The following CCDC149 variants were observed in gnomAD, a reference collection of about 807,000 sequenced individuals.
The protein encoded by CCDC149 is coiled-coil domain-containing protein 149.
A neutral mutation model predicts 59.9 loss-of-function variants in CCDC149; 45 were observed. That is an observed-to-expected ratio of 0.75 (90% confidence interval 0.59 to 0.96). The LOEUF is 0.96. CCDC149 is among the 40% of genes least tolerant of loss of function. The pLI is 0.00. For missense variants in CCDC149, 584 were observed against 664.7 expected (o/e 0.88, Z 1.33); for synonymous variants, 245 against 260.6 (o/e 0.94, Z 0.58).
chr4:24,855,368 C>A (rs1454491834), intron 3 of CCDC149, among the ~76,000 whole-genome samples: 2 of 152,102 alleles, frequency 1.3e-5, no homozygotes, highest in Admixed American at 1.3e-4. Context: ...AGTTCAAGAC[C>A]AGCCTAGCCA....
intron 11 of CCDC149, 78 bp from the exon 12 acceptor site, chr4:24,820,053 G>T: frequency 2.9e-6 from 3 of 1,033,850 alleles, no homozygotes; most frequent in South Asian, 1.6e-5. Flanking sequence ...ACACTTAATC[G>T]GCACAGGGCT....
chr4:24,852,876 C>T (rs948808397), intron 4 of CCDC149, among the ~76,000 whole-genome samples, 196 bp downstream of exon 4: 1 of 152,074 alleles, frequency 6.6e-6, no homozygotes, highest in African/African-American at 2.4e-5. Context: ...GAGAAACACA[C>T]ATATACATGC....
chr4:24,891,678 G>A (rs959376492), intron 1 of CCDC149, among the ~76,000 whole-genome samples: 5 of 152,198 alleles, frequency 3.3e-5, no homozygotes, highest in African/African-American at 7.2e-5. Context: ...ATTCAGGTAA[G>A]CTCGAGGTTT....
chr4:24,915,586 C>T (rs186722789), upstream of CCDC149, among the ~76,000 whole-genome samples: 991 of 152,332 alleles, frequency 6.5e-3, 51 homozygotes, highest in Admixed American at 0.06. Flanking sequence ...CGAAATAAGT[C>T]AGACAGTTAT....
chr4:24,858,306 G>A (rs983255710), intron 3 of CCDC149, among the ~76,000 whole-genome samples: 3 of 152,192 alleles, frequency 2.0e-5, no homozygotes, highest in African/African-American at 7.2e-5. Context: ...GGGTTTCACA[G>A]GGAAGGAAAA....
Position 24,876,641 on chromosome 4 carries a change from G to A in CCDC149, c.120C>T (p.Ser40=), listed in dbSNP as rs755646392. Residue 40 remains serine (S), a synonymous_variant, in exon 2 of 13, where the codon TCC becomes TCT. Coordinates refer to ENST00000635206, the MANE Select transcript of CCDC149 (RefSeq NM_001330643.2). ...CCTGTTGACAGGTGTCCAGCTCCTT[G>A]GAGAGGATCAGCAGGGCTTCCTTCT... 1.1e-5 allele frequency: 18 copies of A among 1,613,994 alleles called. No individual in the cohort carries two copies. Among genetic ancestry groups the A allele is most frequent in the Admixed American group, 3.3e-5 (2 of 59,996 alleles).
chr4:24,839,791 G>A (rs944116401), intron 4 of CCDC149, among the ~76,000 whole-genome samples: 1 of 152,198 alleles, frequency 6.6e-6, no homozygotes, highest in Non-Finnish European at 1.5e-5. Flanking sequence ...AGTTATGGCA[G>A]CACTTTCCAG....
chr4:24,916,787 G>GGTGTGTGT (rs55857592), upstream of CCDC149, among the ~76,000 whole-genome samples: 43,000 of 141,642 alleles, frequency 0.3, 7,225 homozygotes, highest in Non-Finnish European at 0.38. Context: ...GGTTTATAAT[G>GGTGTGTGT]GTGTGTGTGT....
chr4:24,835,162 A>G, intron 7 of CCDC149, 130 bp from the exon 8 acceptor site: 1 of 591,484 alleles, frequency 1.7e-6, no homozygotes, highest in Non-Finnish European at 3.0e-6. Flanking sequence ...TAATATTTAG[A>G]ATTCCAAGTC....
At chr4:24,970,508 A>G (rs1723933212) in intron 1 of CCDC149, among the ~76,000 whole-genome samples, 1 of 152,174 alleles carries the variant, frequency 6.6e-6, no homozygotes, top group African/African-American at 2.4e-5. Flanking sequence ...CCCAGGCATC[A>G]TGGTGCACTG....
At chr4:24,840,342 C>T (rs1187384615) in intron 4 of CCDC149, among the ~76,000 whole-genome samples, 2 of 152,154 alleles carry the variant, frequency 1.3e-5, no homozygotes, top group Non-Finnish European at 2.9e-5. Flanking sequence ...GCTGCACTTG[C>T]TGGAATCTGG....
intron 1 of CCDC149, among the ~76,000 whole-genome samples, chr4:24,889,373 G>A (rs1258892560): frequency 6.6e-6 from 1 of 152,148 alleles, no homozygotes; most frequent in Non-Finnish European, 1.5e-5. Context: ...TAAAAATCAT[G>A]GCTTACCTAG....
intron 1 of CCDC149, among the ~76,000 whole-genome samples, chr4:24,904,968 C>G (rs7665673): frequency 0.11 from 16,837 of 152,158 alleles, 1,026 homozygotes; most frequent in African/African-American, 0.15. Context: ...CTGGTGCCAT[C>G]TCAGCTCACT....
chr4:24,899,754 A>G (rs1721053173), intron 1 of CCDC149, among the ~76,000 whole-genome samples: 1 of 152,062 alleles, frequency 6.6e-6, no homozygotes, highest in African/African-American at 2.4e-5. Context: ...TACTCAAAGG[A>G]GACTATTGTG....
intron 8 of CCDC149, among the ~76,000 whole-genome samples, chr4:24,833,044 C>T (rs565574061): frequency 1.4e-4 from 21 of 152,076 alleles, no homozygotes; most frequent in African/African-American, 4.3e-4. Context: ...GGTGCTCCTG[C>T]GTATGTGTCC....
In CCDC149 at chr4:24,968,618, G is replaced by A. The variant is rs187368816; in HGVS notation, c.-65+11451C>T. Among the ~76,000 whole-genome samples the A allele has an allele frequency of 3.9e-5, 6 of 152,330 alleles. No individual in the cohort carries two copies. In the South Asian group the frequency reaches 1.0e-3, roughly 26 times the overall value. On this transcript the variant is annotated intron_variant, in intron 1 of 12. Coordinates refer to the CCDC149 transcript ENST00000389609. ...GTCCCCTCATTCCCAGTGGGTCATG[G>A]TACAAAGATGGGTCTAGCCAAGGTG...
chr4:24,827,447 T>A (rs537965602), intron 9 of CCDC149: 4 of 152,244 alleles, frequency 2.6e-5, no homozygotes, highest in African/African-American at 9.6e-5. Context: ...GCAGGAAGGA[T>A]AGCAAAAGGC....
chr4:24,812,417 C>G (rs879709780), intron 12 of CCDC149, among the ~76,000 whole-genome samples: 1 of 152,192 alleles, frequency 6.6e-6, no homozygotes, highest in African/African-American at 2.4e-5. Context: ...AGATCTATAT[C>G]GATGGCTCTG....
rs143282363 is a variant in CCDC149, at chr4:24,918,309, A to C, written c.-64-23191T>G. Among the ~76,000 whole-genome samples the C allele has an allele frequency of 1.2e-3, 181 of 152,312 alleles. 1 individual carries two copies. The East Asian group carries it at 0.023, about 19-fold the overall frequency. Reference sequence around the variant, plus strand: ...AAAAACAAAGAAAACAATTTGATCGAGAAGGTGAAAAGGTGGCATTTCATA... The same window carrying C: ...AAAAACAAAGAAAACAATTTGATCGCGAAGGTGAAAAGGTGGCATTTCATA... On this transcript the variant is annotated intron_variant, in intron 1 of 12. Coordinates refer to the CCDC149 transcript ENST00000389609.
Sources: gnomAD v4.1 joint callset for allele counts (sites outside exome capture counted in the v4.1 genomes callset) on GRCh38, gnomAD v4.1.1 for gene constraint, MANE v1.5 for transcripts, NCBI Gene and HGNC (gene_info 2026-07-23, HGNC 2026-07-21) for gene names.